DYNC1LI1: variants seen among roughly 807,000 people sequenced by gnomAD.
The protein encoded by DYNC1LI1 is cytoplasmic dynein 1 light intermediate chain 1.
DYNC1LI1 carries 19 observed loss-of-function variants against 63.8 expected under a neutral mutation model. That is an observed-to-expected ratio of 0.30 (90% confidence interval 0.21 to 0.44). The LOEUF is 0.44. Among genes scored for constraint, DYNC1LI1 ranks in the 20% least tolerant of loss-of-function variants. DYNC1LI1 has a pLI of 1.00. For synonymous variants in DYNC1LI1, 225 were observed against 232.3 expected, an observed-to-expected ratio of 0.97 and a Z score of 0.28; for missense variants, 565 against 630.2, an observed-to-expected ratio of 0.90 and a Z score of 1.11.
intron 5 of DYNC1LI1, among the ~76,000 whole-genome samples, chr3:32,537,928 T>A (rs71323093): frequency 0.02 from 402 of 19,812 alleles, 8 homozygotes; most frequent in Middle Eastern, 0.083. Flanking sequence ...ATATATATAA[T>A]ATATATATAA....
intron 8 of DYNC1LI1, chr3:32,532,782 T>C (rs370168935): frequency 1.0e-5 from 9 of 876,190 alleles, no homozygotes; most frequent in Non-Finnish European, 1.4e-5. Flanking sequence ...AGGGCGAAGA[T>C]TTAATTAGCT....
At chr3:32,531,114 G>A (rs1697689999) in intron 8 of DYNC1LI1, 1 of 152,204 alleles carries the variant, frequency 6.6e-6, no homozygotes, top group African/African-American at 2.4e-5. Context: ...TTCTTCCCAG[G>A]AGCCAGTGAT....
chr3:32,541,298 T>A, intron 4 of DYNC1LI1, 92 bp from the exon 5 acceptor site: 1 of 818,958 alleles, frequency 1.2e-6, no homozygotes, highest in Non-Finnish European at 1.9e-6. Flanking sequence ...TACTCGAATT[T>A]ATACTTAGTC....
chr3:32,539,559 A>G (rs1301515858), intron 5 of DYNC1LI1, among the ~76,000 whole-genome samples: 3 of 151,626 alleles, frequency 2.0e-5, no homozygotes, highest in African/African-American at 7.3e-5. Context: ...TATTATTTTG[A>G]GATGGAGTCT....
chr3:32,566,757 A>G (rs941709248), intron 2 of DYNC1LI1: 3 of 432,182 alleles, frequency 6.9e-6, no homozygotes, highest in Admixed American at 5.3e-5. Flanking sequence ...ACAAACAAAC[A>G]AACAAAAAAA....
At chr3:32,555,282 G>A (rs1245150140) in intron 2 of DYNC1LI1, among the ~76,000 whole-genome samples, 1 of 152,198 alleles carries the variant, frequency 6.6e-6, no homozygotes, top group Non-Finnish European at 1.5e-5. Context: ...AGGGGATTAT[G>A]CAGCTTTCAC....
chr3:32,564,820 T>C (rs377269769), intron 2 of DYNC1LI1, among the ~76,000 whole-genome samples: 9 of 152,184 alleles, frequency 5.9e-5, no homozygotes, highest in East Asian at 5.8e-4. Flanking sequence ...TCAATAGTTT[T>C]AGACTGAACA....
In DYNC1LI1 at chr3:32,526,744, A is replaced by G; in HGVS notation, c.*55T>C. 1 of 1,321,622 alleles carries G rather than the reference A, an allele frequency of 7.6e-7. No homozygotes were observed. The highest frequency in any genetic ancestry group is 1.1e-6 in the Non-Finnish European group (1 of 922,572). The allele number at this position is 1,321,622 out of a possible 1,614,324, so 81.9% of individuals were successfully genotyped here. A position where few individuals can be genotyped will look rare whatever the true frequency, so the allele number is the denominator to read the frequency against. On this transcript the variant is annotated 3_prime_UTR_variant, in exon 13 of 13. Coordinates refer to ENST00000273130, the MANE Select transcript of DYNC1LI1 (RefSeq NM_016141.4). The stretch of plus-strand genomic sequence containing the variant: ...TAATTCCACTTTTGAAGGAAAAGGC[A>G]GAGGCATGTTTACATTATCCCAGAA...
Position 32,528,477 on chromosome 3 carries a change from G to A in DYNC1LI1, c.1431C>T (p.Ser477=). 6.2e-7 allele frequency: 1 copy of A among 1,614,108 alleles called. No individual in the cohort carries two copies. The part of the protein sequence containing the change: ...GSPAGGAGGG[S]SGLPPSTKKS... ...TTTTGGTGGATGGTGGTAAACCACT[G>A]CTTCCACCTCCAGCCCCACCTGCAG... is the stretch of plus-strand genomic sequence containing the variant. The change falls in exon 12 of 13, where the codon AGC becomes AGT. Residue 477 remains serine (S), a synonymous_variant. Transcript: ENST00000273130.
chr3:32,541,788 TGTATCAAGA>T (rs1254873822), intron 4 of DYNC1LI1, among the ~76,000 whole-genome samples: 1 of 152,210 alleles, frequency 6.6e-6, no homozygotes, highest in Non-Finnish European at 1.5e-5. Context: ...TAAATGTGAA[TGTATCAAGA>T]GACTTGAAAA....
At chr3:32,534,297 C>A (rs76980928) in intron 7 of DYNC1LI1, among the ~76,000 whole-genome samples, 2,974 of 152,158 alleles carry the variant, frequency 0.02, 42 homozygotes, top group South Asian at 0.042. Context: ...AGCTCAAAAA[C>A]CTTTGAAAAA....
chr3:32,560,939 T>C (rs770989310), intron 2 of DYNC1LI1, among the ~76,000 whole-genome samples: 1 of 123,214 alleles, frequency 8.1e-6, no homozygotes, highest in East Asian at 2.4e-4. Flanking sequence ...GAGGTGGAGG[T>C]TGCAGTGAGC....
intron 2 of DYNC1LI1, among the ~76,000 whole-genome samples, chr3:32,565,620 C>T (rs1698247975): frequency 6.6e-6 from 1 of 151,820 alleles, no homozygotes; most frequent in Admixed American, 6.6e-5. Flanking sequence ...ATTTTTCTTT[C>T]TTTTTTTTGA....
At chr3:32,541,534 G>A (rs997105306) in intron 4 of DYNC1LI1, among the ~76,000 whole-genome samples, 5 of 152,096 alleles carry the variant, frequency 3.3e-5, no homozygotes, top group African/African-American at 9.6e-5. Context: ...GGCACTGTAT[G>A]GATAAAAGAA....
chr3:32,533,566 CTTT>C (rs374520445), intron 7 of DYNC1LI1, among the ~76,000 whole-genome samples: 57 of 139,588 alleles, frequency 4.1e-4, no homozygotes, highest in Admixed American at 6.5e-4. Context: ...ATACGGTTAC[CTTT>C]TTTTTTTTTT....
chr3:32,554,863 A>ATTTTTTTTTTTTT (rs11434502), intron 2 of DYNC1LI1, among the ~76,000 whole-genome samples: 1 of 104,722 alleles, frequency 9.5e-6, no homozygotes, highest in African/African-American at 3.9e-5. Flanking sequence ...AAATTTTTGA[A>ATTTTTTTTTTTTT]TTTTTTTTTT....
At chr3:32,527,818 C>G (rs975523683) in intron 12 of DYNC1LI1, among the ~76,000 whole-genome samples, 1 of 151,788 alleles carries the variant, frequency 6.6e-6, no homozygotes, top group African/African-American at 2.4e-5. Flanking sequence ...AAATATTATT[C>G]AGCAATTAAA....
chr3:32,551,471 T>C (rs1160881250), intron 2 of DYNC1LI1, among the ~76,000 whole-genome samples: 3 of 152,188 alleles, frequency 2.0e-5, no homozygotes, highest in African/African-American at 7.2e-5. Flanking sequence ...AGGCATCTTA[T>C]GCCAAGCTGA....
chr3:32,555,615 G>A (rs1234286863), intron 2 of DYNC1LI1, among the ~76,000 whole-genome samples: 1 of 152,146 alleles, frequency 6.6e-6, no homozygotes, highest in African/African-American at 2.4e-5. Context: ...CCACTTATAA[G>A]TGAGCATTCA....
Sources: allele counts gnomAD v4.1 joint callset (sites outside exome capture counted in the v4.1 genomes callset), GRCh38; gene constraint gnomAD v4.1.1; transcripts MANE v1.5; gene names NCBI Gene and HGNC (gene_info 2026-07-23, HGNC 2026-07-21).